The following AP4E1 variants were observed in gnomAD, a reference collection of about 807,000 sequenced individuals.
AP4E1 encodes AP-4 complex subunit epsilon-1.
In AP4E1, 56 loss-of-function variants were observed where a neutral mutation model predicts 128.2. The observed-to-expected ratio is 0.44, with a 90% confidence interval of 0.35 to 0.55. The LOEUF is 0.55. Ranked by LOEUF, AP4E1 falls within the 20% of genes least tolerant of loss-of-function variation. AP4E1 has a pLI of 0.00. For missense variants in AP4E1, 1,324 were observed against 1,307.7 expected (o/e 1.01, Z -0.19); for synonymous variants, 484 against 473.1 (o/e 1.02, Z -0.30).
intron 17 of AP4E1, 65 bp from the exon 18 acceptor site, chr15:50,997,261 G>T: frequency 7.4e-7 from 1 of 1,356,338 alleles, no homozygotes. Context: ...AATTATAGAT[G>T]AATGTTTAAA....
At chr15:50,964,434 A>G (rs1272645263) in intron 14 of AP4E1, among the ~76,000 whole-genome samples, 1 of 150,160 alleles carries the variant, frequency 6.7e-6, no homozygotes, top group African/African-American at 2.5e-5. Context: ...GAGTTTCCTT[A>G]AGATCATTAT....
At chr15:50,985,793 G>A (rs1023994267) in intron 16 of AP4E1, among the ~76,000 whole-genome samples, 5 of 152,124 alleles carry the variant, frequency 3.3e-5, no homozygotes, top group African/African-American at 1.2e-4. Flanking sequence ...TGGCAATGCG[G>A]GCTCTTTTTT....
In AP4E1 at chr15:51,003,628, G is replaced by A. The variant is rs964535506; in HGVS notation, c.*966G>A. On this transcript the variant is annotated 3_prime_UTR_variant, in exon 21 of 21. Coordinates refer to ENST00000261842, the MANE Select transcript of AP4E1 (RefSeq NM_007347.5). ...CTTCAGTAAAATATATCATTTTCATGTTATAGTTATGCCTGTGTGGCCTCT... is the reference window on the plus strand; with the variant it reads ...CTTCAGTAAAATATATCATTTTCATATTATAGTTATGCCTGTGTGGCCTCT... 1 of 152,576 alleles carries A rather than the reference G, an allele frequency of 6.6e-6. No homozygotes were observed. Among genetic ancestry groups the A allele is most frequent in the Admixed American group, 6.5e-5 (1 of 15,272 alleles). The allele number at this position is 152,576 out of a possible 1,614,324, so 9.5% of individuals were successfully genotyped here.
intron 19 of AP4E1, 80 bp from the exon 20 acceptor site, chr15:51,000,946 C>A: frequency 1.8e-6 from 2 of 1,129,922 alleles, no homozygotes; most frequent in Non-Finnish European, 2.6e-6. Context: ...ATGTTTTATT[C>A]TCATGAGGCA....
Position 50,997,477 on chromosome 15 carries a change from A to C in AP4E1, c.2498A>C (p.Asn833Thr). The change falls in exon 18 of 21, where the codon AAT becomes ACT. Residue 833 changes from asparagine (N) to threonine (T), a missense_variant. Asn to Thr is a moderately conservative substitution (Grantham distance 65). Coordinates refer to ENST00000261842, the MANE Select transcript of AP4E1 (RefSeq NM_007347.5). The part of the protein sequence containing the change: ...NVAYEDDYYS[N>T]TLHDTGDKEL... ...GCATATGAAGATGATTATTATTCGA[A>C]TACTTTGCACGATACAGGAGACAAG... The C allele has an allele frequency of 6.2e-7, 1 of 1,614,064 alleles. No individual in the cohort carries two copies. Among genetic ancestry groups the C allele is most frequent in the African/African-American group, 1.3e-5 (1 of 75,048 alleles).
rs1384573657 is a variant in AP4E1, at chr15:50,997,826, G to A, written c.2847G>A (p.Lys949=). Residue 949 remains lysine, a synonymous_variant, in exon 18 of 21, where the codon AAG becomes AAA. Transcript: ENST00000261842. Reference sequence around the variant, plus strand: ...TGATGGTCTGGTCAGTCACTAATAAGAGTGGTTTGGAATTGAAAAGTGCTG... The same window carrying A: ...TGATGGTCTGGTCAGTCACTAATAAAAGTGGTTTGGAATTGAAAAGTGCTG... ...CLLMVWSVTN[K]SGLELKSADL... 9 of 1,600,936 alleles carry A rather than the reference G, an allele frequency of 5.6e-6. No homozygotes were observed. The highest frequency in any genetic ancestry group is 6.8e-6 in the Non-Finnish European group (8 of 1,172,030).
intron 2 of AP4E1, among the ~76,000 whole-genome samples, chr15:50,913,827 G>A (rs2063595232): frequency 6.6e-6 from 1 of 152,036 alleles, no homozygotes; most frequent in African/African-American, 2.4e-5. Context: ...GGGCGGCAGG[G>A]TGGGAGGATG....
chr15:50,969,032 T>A (rs71471584), intron 15 of AP4E1, among the ~76,000 whole-genome samples: 20,842 of 151,914 alleles, frequency 0.14, 1,571 homozygotes, highest in South Asian at 0.19. Context: ...ACTTTTAAGT[T>A]CAGGGGTACA....
chr15:50,999,283 T>A, intron 19 of AP4E1, 21 bp downstream of exon 19: 2 of 1,592,786 alleles, frequency 1.3e-6, no homozygotes, highest in Non-Finnish European at 1.7e-6. Context: ...TGTGAAATGT[T>A]AATTCAAGTT....
chr15:50,995,463 T>G (rs1567264807), intron 17 of AP4E1, among the ~76,000 whole-genome samples: 1 of 150,950 alleles, frequency 6.6e-6, no homozygotes, highest in Non-Finnish European at 1.5e-5. Context: ...AGTGGCATGA[T>G]ATTGGCTCAC....
rs570329107 is a variant in AP4E1 at position 50,990,025 on chromosome 15, A to G, written c.2091-3345A>G. On this transcript the variant is annotated intron_variant, in intron 16 of 20. Coordinates refer to ENST00000261842, the MANE Select transcript of AP4E1 (RefSeq NM_007347.5). ...AATAAAGTAGTAGCAAGTCTAATTT[A>G]TAATTTCTTAACTGGCAGCACCCTA... Among the ~76,000 whole-genome samples the G allele has an allele frequency of 2.0e-5, 3 of 152,260 alleles. No homozygotes were observed. The South Asian group carries it at 6.2e-4, about 32-fold the overall frequency.
intron 17 of AP4E1, among the ~76,000 whole-genome samples, chr15:50,996,288 A>AT (rs1015868372): frequency 6.6e-6 from 1 of 151,232 alleles, no homozygotes. Context: ...ATGAGTCACC[A>AT]TGCCTGACCT....
chr15:51,001,239 G>A lies in AP4E1; in HGVS notation c.3253+56G>A, dbSNP rs1278777727. On this transcript the variant is annotated intron_variant, in intron 20 of 20. Transcript: ENST00000261842. Reference sequence around the variant, plus strand: ...GTTTATAGGAGCTTTCTTATAATTGGAACACAAATCAACTCTTACAAGTAT... The same window carrying A: ...GTTTATAGGAGCTTTCTTATAATTGAAACACAAATCAACTCTTACAAGTAT... 3.3e-6 allele frequency: 5 copies of A among 1,510,142 alleles called. No homozygotes were observed. The African/African-American group carries it at 5.5e-5, about 17-fold the overall frequency. 93.5% of individuals were successfully genotyped at this position (1,510,142 alleles called of 1,614,324 possible).
chr15:50,927,453 C>A (rs1198071070), intron 5 of AP4E1, among the ~76,000 whole-genome samples: 1 of 151,658 alleles, frequency 6.6e-6, no homozygotes, highest in African/African-American at 2.4e-5. Context: ...GAATCTAGGT[C>A]TCTCGTCTTA....
At position 50,949,858 on chromosome 15, in the gene AP4E1, CAATG is replaced by C; in HGVS notation, c.1354_1357del (p.Asn452LeufsTer5). On this transcript the variant is annotated frameshift_variant, in exon 12 of 21. Coordinates refer to ENST00000261842, the MANE Select transcript of AP4E1 (RefSeq NM_007347.5). LOFTEE classifies it high-confidence loss of function. ...CCTGATAATGCATGGTTTATTCAGA[CAATG>C]AATGCTGTGTTTTCAGTAGGAGGAG... The C allele has an allele frequency of 6.2e-7, 1 of 1,613,636 alleles. No homozygotes were observed. The highest frequency in any genetic ancestry group is 8.5e-7 in the Non-Finnish European group (1 of 1,179,730).
rs1401774266 is a variant in AP4E1, at chr15:50,977,706, GT to G, written c.1967-6296del. Among the ~76,000 whole-genome samples the G allele has an allele frequency of 8.5e-4, 68 of 80,284 alleles. 1 individual carries two copies. Among genetic ancestry groups the G allele is most frequent in the African/African-American group, 1.9e-3 (40 of 21,488 alleles). The allele number at this position is 80,284 out of a possible 152,430, so 52.7% of individuals were successfully genotyped here. Reference sequence around the variant, plus strand: ...ATCTTTTAATTATCAATCTGTTATGGTTTTTTTTTTTTTTTTTTTTAGACAG... The same window carrying G: ...ATCTTTTAATTATCAATCTGTTATGGTTTTTTTTTTTTTTTTTTTAGACAG... On this transcript the variant is annotated intron_variant, in intron 15 of 20. Coordinates refer to ENST00000261842, the MANE Select transcript of AP4E1 (RefSeq NM_007347.5).
chr15:50,987,370 C>T (rs2064743390), intron 16 of AP4E1, among the ~76,000 whole-genome samples: 1 of 152,002 alleles, frequency 6.6e-6, no homozygotes, highest in Non-Finnish European at 1.5e-5. Context: ...GCTCTTGCTT[C>T]TCTAGTTCTT....
chr15:50,946,998 C>T (rs1324781466), intron 10 of AP4E1, among the ~76,000 whole-genome samples: 1 of 151,982 alleles, frequency 6.6e-6, no homozygotes, highest in Non-Finnish European at 1.5e-5. Flanking sequence ...TGGTGAAACC[C>T]GATCTCTACT....
At chr15:50,951,973 T>C (rs1249881776) in intron 13 of AP4E1, among the ~76,000 whole-genome samples, 1 of 152,080 alleles carries the variant, frequency 6.6e-6, no homozygotes, top group African/African-American at 2.4e-5. Flanking sequence ...GTCATCCACC[T>C]GCCTCAGCCT....
Sources: gnomAD v4.1 joint callset for allele counts (sites outside exome capture counted in the v4.1 genomes callset) on GRCh38, gnomAD v4.1.1 for gene constraint, MANE v1.5 for transcripts, NCBI Gene and HGNC (gene_info 2026-07-23, HGNC 2026-07-21) for gene names.